FBXL5: variants seen among roughly 807,000 people sequenced by gnomAD.
FBXL5 encodes F-box/LRR-repeat protein 5.
Under a neutral mutation model 78.3 loss-of-function variants are expected in FBXL5, and 26 were observed. The observed-to-expected ratio is 0.33, with a 90% CI of 0.24 to 0.46. The LOEUF (loss-of-function observed/expected upper bound fraction) is 0.46. FBXL5 is among the 20% of genes least tolerant of loss of function. FBXL5 has a pLI of 1.00. For missense variants in FBXL5, 710 were observed against 829.2 expected (o/e 0.86, Z 1.77); for synonymous variants, 295 against 282.5 (o/e 1.04, Z -0.45).
rs1332979771 is a variant in FBXL5 at position 15,612,285 on chromosome 4, G to A, written c.1980C>T (p.Tyr660=). 6.2e-7 allele frequency: 1 copy of A among 1,608,412 alleles called. No individual in the cohort carries two copies. The highest frequency in any genetic ancestry group is 1.7e-5 in the Admixed American group (1 of 58,730). Residue 660 remains tyrosine, a synonymous_variant, in exon 10 of 11, where the codon TAC becomes TAT. Coordinates refer to ENST00000341285, the MANE Select transcript of FBXL5 (RefSeq NM_012161.4). The part of the protein sequence containing the change: ...ACPSLNDEYF[Y]YCDNINGPHA... Reference sequence around the variant, plus strand: ...CATTACCGTTAATGTTGTCACAGTAGTAAAAGTATTCATCATTCAGAGAAG... The same window carrying A: ...CATTACCGTTAATGTTGTCACAGTAATAAAAGTATTCATCATTCAGAGAAG...
At chr4:15,607,088 A>T (rs888240426) in intron 10 of FBXL5, among the ~76,000 whole-genome samples, 1 of 152,174 alleles carries the variant, frequency 6.6e-6, no homozygotes, top group African/African-American at 2.4e-5. Context: ...CATTACGCAA[A>T]TATGTGGAAC....
chr4:15,641,959 A>C (rs1400952646), intron 2 of FBXL5, among the ~76,000 whole-genome samples: 1 of 151,950 alleles, frequency 6.6e-6, no homozygotes, highest in Non-Finnish European at 1.5e-5. Flanking sequence ...ACCTGGAAGA[A>C]GGAGGTTGCG....
chr4:15,647,296 T>C (rs1038366997), intron 1 of FBXL5, among the ~76,000 whole-genome samples: 1 of 126,998 alleles, frequency 7.9e-6, no homozygotes, highest in Admixed American at 7.6e-5. Flanking sequence ...AAAAACAATA[T>C]AACAACTACA....
chr4:15,638,479 A>G (rs1714508418), intron 4 of FBXL5, 29 bp downstream of exon 4: 5 of 1,512,836 alleles, frequency 3.3e-6, no homozygotes, highest in Admixed American at 4.4e-5. Flanking sequence ...TACAACTAAT[A>G]AATTGTTCTT....
intron 10 of FBXL5, among the ~76,000 whole-genome samples, chr4:15,606,936 C>G (rs1486540009): frequency 6.6e-6 from 1 of 152,296 alleles, no homozygotes; most frequent in East Asian, 1.9e-4. Flanking sequence ...CTAATACTAC[C>G]ATAACAATTA....
At chr4:15,666,885 C>T (rs28604503) in intron 1 of FBXL5, among the ~76,000 whole-genome samples, 53,297 of 151,254 alleles carry the variant, frequency 0.35, 9,760 homozygotes, top group African/African-American at 0.37. Context: ...AAAAAAAAGA[C>T]AGGCAAATGG....
At chr4:15,629,317 T>G (rs1713388165) in intron 6 of FBXL5, among the ~76,000 whole-genome samples, 1 of 152,146 alleles carries the variant, frequency 6.6e-6, no homozygotes, top group Admixed American at 6.5e-5. Flanking sequence ...ACGGGTATTA[T>G]GAATTAATTT....
chr4:15,670,659 G>A (rs1178099099), intron 1 of FBXL5, among the ~76,000 whole-genome samples: 1 of 151,628 alleles, frequency 6.6e-6, no homozygotes, highest in Non-Finnish European at 1.5e-5. Flanking sequence ...AAGAAACACT[G>A]GGCAATGTCA....
intron 2 of FBXL5, among the ~76,000 whole-genome samples, chr4:15,643,285 C>G (rs904417892): frequency 2.0e-5 from 3 of 152,174 alleles, no homozygotes; most frequent in African/African-American, 7.2e-5. Context: ...CCTCCCTAAG[C>G]TGTAGAACAG....
chr4:15,627,509 G>C (rs1479508831), intron 7 of FBXL5, among the ~76,000 whole-genome samples: 1 of 152,150 alleles, frequency 6.6e-6, no homozygotes, highest in Non-Finnish European at 1.5e-5. Flanking sequence ...TCTGATGTAG[G>C]AAGTCGTAAT....
chr4:15,631,852 C>G (rs1713708283), intron 5 of FBXL5, among the ~76,000 whole-genome samples: 1 of 152,030 alleles, frequency 6.6e-6, no homozygotes. Context: ...AAAATTTTCT[C>G]TCATTCTGTA....
intron 5 of FBXL5, among the ~76,000 whole-genome samples, chr4:15,632,370 T>C (rs543061318): frequency 2.0e-5 from 3 of 152,328 alleles, no homozygotes; most frequent in African/African-American, 7.2e-5. Context: ...TTTGTTCTTT[T>C]GGCTTAGGAT....
chr4:15,630,818 G>T (rs762459323), intron 5 of FBXL5, 27 bp from the exon 6 acceptor site: 32 of 1,599,984 alleles, frequency 2.0e-5, no homozygotes, highest in Non-Finnish European at 2.6e-5. Context: ...CAAGTAAAAG[G>T]TTCAAAATAA....
chr4:15,631,291 C>G (rs1485637316), intron 5 of FBXL5, among the ~76,000 whole-genome samples: 1 of 152,142 alleles, frequency 6.6e-6, no homozygotes, highest in African/African-American at 2.4e-5. Context: ...TGTATATGTG[C>G]CACATTTTCT....
rs998941909 is a variant in FBXL5, at chr4:15,634,508, A to G, written c.766+1986T>C. Among the ~76,000 whole-genome samples, 23 of 152,126 alleles carry G rather than the reference A, an allele frequency of 1.5e-4. No homozygotes were observed. In the South Asian group the frequency reaches 4.0e-3, roughly 26 times the overall value. On this transcript the variant is annotated intron_variant, in intron 5 of 10. Coordinates refer to ENST00000341285, the MANE Select transcript of FBXL5 (RefSeq NM_012161.4). The stretch of plus-strand genomic sequence containing the variant: ...CAGCCTCCCGAGTAGCTGGGATTAC[A>G]GGTGCCTGCCACCACACCTGGCTAA...
At chr4:15,614,670 C>A (rs897124620) in intron 9 of FBXL5, among the ~76,000 whole-genome samples, 2 of 152,074 alleles carry the variant, frequency 1.3e-5, no homozygotes, top group Non-Finnish European at 2.9e-5. Flanking sequence ...AGGTATGGTT[C>A]CCAGGCCAGT....
At chr4:15,619,491 A>G (rs1420984204) in intron 9 of FBXL5, among the ~76,000 whole-genome samples, 1 of 152,236 alleles carries the variant, frequency 6.6e-6, no homozygotes, top group Non-Finnish European at 1.5e-5. Flanking sequence ...AACTAGAAAT[A>G]GACAGGAACT....
upstream of FBXL5, among the ~76,000 whole-genome samples, chr4:15,662,271 C>A: frequency 6.7e-6 from 1 of 150,346 alleles, no homozygotes; most frequent in Non-Finnish European, 1.5e-5. Context: ...TAGGCTCCTT[C>A]CACGGCTCTA....
intron 5 of FBXL5, among the ~76,000 whole-genome samples, chr4:15,631,940 T>C (rs972997124): frequency 6.6e-6 from 1 of 152,254 alleles, no homozygotes; most frequent in Non-Finnish European, 1.5e-5. Flanking sequence ...TTTGTCAATA[T>C]TGCCTTTTGT....
Sources: gnomAD v4.1 joint callset for allele counts (sites outside exome capture counted in the v4.1 genomes callset) on GRCh38, gnomAD v4.1.1 for gene constraint, MANE v1.5 for transcripts, NCBI Gene and HGNC (gene_info 2026-07-23, HGNC 2026-07-21) for gene names.